NCAM1: variants seen among roughly 807,000 people sequenced by gnomAD.
The protein encoded by NCAM1 is antigen recognized by monoclonal antibody 5.1H11.
A neutral mutation model predicts 109.8 loss-of-function variants in NCAM1; 14 were observed. The observed-to-expected ratio is 0.13, with a 90% confidence interval of 0.08 to 0.20. The LOEUF is 0.20. Among genes scored for constraint, NCAM1 ranks in the 10% least tolerant of loss-of-function variants. The pLI is 1.00. For missense variants in NCAM1, 774 were observed against 1,109.9 expected (o/e 0.70, Z 4.30); for synonymous variants, 418 against 442.9 (o/e 0.94, Z 0.70).
intron 8 of NCAM1, among the ~76,000 whole-genome samples, chr11:113,218,669 C>G (rs1202968100): frequency 6.6e-6 from 1 of 152,168 alleles, no homozygotes; most frequent in Non-Finnish European, 1.5e-5. Flanking sequence ...TTGAGAATGA[C>G]CATTACCAAT....
chr11:113,211,871 C>T (rs1230724819), intron 7 of NCAM1, among the ~76,000 whole-genome samples: 3 of 152,140 alleles, frequency 2.0e-5, no homozygotes, highest in African/African-American at 7.2e-5. Context: ...TCTTGGAAAA[C>T]TCACAGGAGG....
chr11:113,259,083 G>A (rs1274694955), intron 16 of NCAM1, among the ~76,000 whole-genome samples: 6 of 139,942 alleles, frequency 4.3e-5, no homozygotes, highest in African/African-American at 1.6e-4. Context: ...ACGGAGTCTC[G>A]CTCTGTCGCC....
intron 14 of NCAM1, chr11:113,236,261 T>G: frequency 6.2e-7 from 1 of 1,611,746 alleles, no homozygotes; most frequent in Non-Finnish European, 8.5e-7. Flanking sequence ...CTGTCTCTTG[T>G]TTTTTCTTTT....
chr11:113,141,642 C>T (rs1001626091), intron 1 of NCAM1, among the ~76,000 whole-genome samples: 4 of 152,138 alleles, frequency 2.6e-5, no homozygotes, highest in South Asian at 2.1e-4. Flanking sequence ...AGGGAGACTC[C>T]GTCTCAAAAC....
intron 1 of NCAM1, among the ~76,000 whole-genome samples, chr11:113,192,158 C>G (rs960541743): frequency 6.6e-6 from 1 of 152,136 alleles, no homozygotes; most frequent in African/African-American, 2.4e-5. Flanking sequence ...AGAACATCGA[C>G]GAGTCATTTT....
At chr11:113,088,847 C>A (rs1414043981) in intron 1 of NCAM1, among the ~76,000 whole-genome samples, 1 of 152,060 alleles carries the variant, frequency 6.6e-6, no homozygotes, top group Non-Finnish European at 1.5e-5. Flanking sequence ...TCTTTAGTGA[C>A]TTGTTTTGCT....
At chr11:113,120,750 G>T (rs542746110) in intron 1 of NCAM1, among the ~76,000 whole-genome samples, 1 of 152,322 alleles carries the variant, frequency 6.6e-6, no homozygotes, top group African/African-American at 2.4e-5. Flanking sequence ...GCACATATGT[G>T]CACAGGAATC....
chr11:113,088,370 C>T (rs1169975733), intron 1 of NCAM1, among the ~76,000 whole-genome samples: 1 of 152,182 alleles, frequency 6.6e-6, no homozygotes, highest in Non-Finnish European at 1.5e-5. Context: ...CCTTAGAAGA[C>T]ACTCCAATGG....
At chr11:113,049,815 T>G (rs950979034) in intron 1 of NCAM1, among the ~76,000 whole-genome samples, 6 of 152,194 alleles carry the variant, frequency 3.9e-5, no homozygotes, top group African/African-American at 1.4e-4. Context: ...ACTAAACAGC[T>G]GTGTGTCTGT....
intron 14 of NCAM1, chr11:113,242,729 T>C (rs150982736): frequency 2.2e-5 from 29 of 1,290,614 alleles, no homozygotes; most frequent in Non-Finnish European, 3.0e-5. Flanking sequence ...TGTATACATA[T>C]ATAGCTATGA....
intron 17 of NCAM1, among the ~76,000 whole-genome samples, chr11:113,262,651 T>C (rs1389394509): frequency 1.3e-5 from 2 of 152,248 alleles, no homozygotes; most frequent in Non-Finnish European, 2.9e-5. Context: ...TTTTCTATAG[T>C]TGACCTAATT....
intron 3 of NCAM1, 93 bp downstream of exon 3, chr11:113,204,597 C>A: frequency 8.0e-7 from 1 of 1,251,034 alleles, no homozygotes; most frequent in Non-Finnish European, 1.1e-6. Context: ...ACAGAAGGAC[C>A]AGCTGAGGGC....
At chr11:113,208,136 A>ACCGAGTCCAAGC (rs1944291811) in intron 7 of NCAM1, 134 bp downstream of exon 7, 2 of 1,068,288 alleles carry the variant, frequency 1.9e-6, no homozygotes, top group Non-Finnish European at 2.7e-6. Flanking sequence ...CAGTTCCACC[A>ACCGAGTCCAAGC]CCTAGTCCAA....
chr11:113,137,562 C>T (rs1222240616), intron 1 of NCAM1, among the ~76,000 whole-genome samples: 1 of 152,152 alleles, frequency 6.6e-6, no homozygotes, highest in Non-Finnish European at 1.5e-5. Flanking sequence ...AAATATGAAA[C>T]CTACATGTCA....
Position 113,243,050 on chromosome 11 carries a change from G to A in NCAM1, c.1826-3318G>A, listed in dbSNP as rs782804528. ...AAACCAAGCATCAGCAAAAGAACGG[G>A]GTTGATTATTGGAAGAATACTCCGT... On this transcript the variant is annotated intron_variant, in intron 14 of 19. Transcript: ENST00000316851. 6 of 910,056 alleles carry A rather than the reference G, an allele frequency of 6.6e-6. No homozygotes were observed. In the African/African-American group the frequency reaches 1.1e-4, roughly 16 times the overall value. The allele number at this position is 910,056 out of a possible 1,614,324, so 56.4% of individuals were successfully genotyped here.
intron 1 of NCAM1, among the ~76,000 whole-genome samples, chr11:113,156,581 C>T (rs1246208483): frequency 9.9e-5 from 15 of 151,742 alleles, no homozygotes; most frequent in Non-Finnish European, 2.1e-4. Context: ...TTTGTCATGA[C>T]GTGGGCAAGA....
Position 113,277,763 on chromosome 11 carries a change from A to G in NCAM1, c.*2376A>G. The G allele has an allele frequency of 5.0e-6, 1 of 201,926 alleles. No individual in the cohort carries two copies. Among genetic ancestry groups the G allele is most frequent in the Non-Finnish European group, 9.8e-6 (1 of 101,762 alleles). 12.5% of individuals were successfully genotyped at this position (201,926 alleles called of 1,614,324 possible). A position where few individuals can be genotyped will look rare whatever the true frequency, so the allele number is the denominator to read the frequency against. ...CCCCTAGAACCCTGGCTCTGCCATT[A>G]GCTAGGACCTAAGACTCTGCCCACA... On this transcript the variant is annotated 3_prime_UTR_variant, in exon 20 of 20. Transcript: ENST00000316851.
intron 1 of NCAM1, among the ~76,000 whole-genome samples, chr11:113,067,322 G>C (rs943127124): frequency 6.6e-6 from 1 of 152,162 alleles, no homozygotes; most frequent in Non-Finnish European, 1.5e-5. Flanking sequence ...GAAGCCCAAG[G>C]TTTCACTGGG....
chr11:113,264,061 G>A, intron 17 of NCAM1: 2 of 985,378 alleles, frequency 2.0e-6, no homozygotes, highest in Non-Finnish European at 2.4e-6. Context: ...AAGGTCCCTT[G>A]TGGAGACTCA....
Sources: allele counts gnomAD v4.1 joint callset (sites outside exome capture counted in the v4.1 genomes callset), GRCh38; gene constraint gnomAD v4.1.1; transcripts MANE v1.5; gene names NCBI Gene and HGNC (gene_info 2026-07-23, HGNC 2026-07-21).